The following COL6A5 variants were observed in gnomAD, a reference collection of about 807,000 sequenced individuals.
COL6A5 encodes collagen alpha-5(VI) chain.
In COL6A5, 48 loss-of-function variants were observed where a neutral mutation model predicts 65.6. The ratio of observed to expected loss-of-function variants is 0.73; its 90% CI spans 0.58 to 0.93. The LOEUF is 0.93. Among genes scored for constraint, COL6A5 ranks in the 40% least tolerant of loss-of-function variants. The pLI is 0.00. For synonymous variants in COL6A5, 291 were observed against 322.8 expected, an observed-to-expected ratio of 0.90 and a Z score of 1.05; for missense variants, 914 against 928.3, an observed-to-expected ratio of 0.98 and a Z score of 0.20.
At chr3:130,474,960 T>C (rs540279955) in intron 7 of COL6A5, among the ~76,000 whole-genome samples, 191 of 124,376 alleles carry the variant, frequency 1.5e-3, no homozygotes, top group South Asian at 5.0e-3. Flanking sequence ...TGAGCTATGA[T>C]CATGCTGCTG....
At chr3:130,451,218 A>G (rs1709423054) in intron 4 of COL6A5, among the ~76,000 whole-genome samples, 1 of 152,148 alleles carries the variant, frequency 6.6e-6, no homozygotes, top group Non-Finnish European at 1.5e-5. Flanking sequence ...CGTCTAATCC[A>G]CTTGTTTCTT....
At chr3:130,397,910 C>T (rs1198350957) in exon 9 of COL6A5, 1 of 1,550,546 alleles carries the variant, frequency 6.4e-7, no homozygotes, top group Admixed American at 2.0e-5. Flanking sequence ...GATAAATCTG[C>T]ATCCCGGGGC....
chr3:130,383,619 T>C (rs1936081371), intron 4 of COL6A5, among the ~76,000 whole-genome samples: 1 of 152,096 alleles, frequency 6.6e-6, no homozygotes, highest in African/African-American at 2.4e-5. Context: ...TTTCAGTATA[T>C]CTGATTTCCT....
At chr3:130,352,507 TAAA>T (rs1464681471) in intron 1 of COL6A5, among the ~76,000 whole-genome samples, 1 of 152,136 alleles carries the variant, frequency 6.6e-6, no homozygotes, top group Non-Finnish European at 1.5e-5. Flanking sequence ...GCAGTTTACA[TAAA>T]TAATTATATT....
intron 7 of COL6A5, among the ~76,000 whole-genome samples, chr3:130,475,589 C>A (rs1484445022): frequency 2.6e-5 from 4 of 152,066 alleles, no homozygotes; most frequent in African/African-American, 9.7e-5. Context: ...ATTAAGAGAA[C>A]TTCTCACCAG....
intron 17 of COL6A5, 22 bp downstream of exon 17, chr3:130,406,343 C>T: frequency 6.5e-7 from 1 of 1,529,458 alleles, no homozygotes; most frequent in Non-Finnish European, 8.9e-7. Flanking sequence ...CTTTTCAATA[C>T]TTCAAAGAAG....
At chr3:130,391,320 T>C (rs1378068958) in exon 7 of COL6A5, 3 of 1,551,668 alleles carry the variant, frequency 1.9e-6, no homozygotes, top group Non-Finnish European at 1.7e-6. Flanking sequence ...CGAGTTCAGT[T>C]TGGAGCCCTC....
chr3:130,400,452 A>C (rs74553528), intron 10 of COL6A5, among the ~76,000 whole-genome samples: 5,385 of 152,336 alleles, frequency 0.035, 106 homozygotes, highest in South Asian at 0.082. Flanking sequence ...TTTAGTGAAA[A>C]GATGAATAAA....
intron 7 of COL6A5, among the ~76,000 whole-genome samples, chr3:130,478,208 G>A (rs1416992213): frequency 6.6e-6 from 1 of 152,082 alleles, no homozygotes; most frequent in African/African-American, 2.4e-5. Flanking sequence ...TAGAGTAAAA[G>A]CTTCATAAAT....
intron 18 of COL6A5, among the ~76,000 whole-genome samples, 173 bp downstream of exon 18, chr3:130,409,561 G>C (rs1937108470): frequency 6.6e-6 from 1 of 152,168 alleles, no homozygotes; most frequent in Non-Finnish European, 1.5e-5. Context: ...ATCTGGGTTA[G>C]GCCCATCTTC....
chr3:130,396,064 G>C (rs9859068), intron 8 of COL6A5, among the ~76,000 whole-genome samples: 36,042 of 152,112 alleles, frequency 0.24, 5,647 homozygotes, highest in East Asian at 0.61. Context: ...TGAGTCAAGT[G>C]AGCAGAGTAT....
intron 7 of COL6A5, 32 bp downstream of exon 7, chr3:130,391,786 G>T (rs1210101041): frequency 1.4e-6 from 2 of 1,468,916 alleles, no homozygotes; most frequent in African/African-American, 2.8e-5. Context: ...TTCTATGGGG[G>T]TAGCAATAAA....
exon 28 of COL6A5, chr3:130,422,758 A>T: frequency 6.6e-7 from 1 of 1,526,196 alleles, no homozygotes; most frequent in South Asian, 1.2e-5. Context: ...GGGGACCTGG[A>T]CCCAAAGGAT....
intron 25 of COL6A5, among the ~76,000 whole-genome samples, chr3:130,420,144 A>AGAG (rs1937483838): frequency 6.6e-6 from 1 of 151,174 alleles, no homozygotes; most frequent in African/African-American, 2.4e-5. Context: ...AAAGGAAGAA[A>AGAG]GAAGGAAGGA....
chr3:130,402,815 C>T (rs1936859748), intron 12 of COL6A5, among the ~76,000 whole-genome samples: 1 of 152,080 alleles, frequency 6.6e-6, no homozygotes, highest in Non-Finnish European at 1.5e-5. Flanking sequence ...ATATTTTATA[C>T]ACTTTAATGC....
At chr3:130,397,827 G>A in exon 9 of COL6A5, 1 of 1,551,652 alleles carries the variant, frequency 6.4e-7, no homozygotes, top group Non-Finnish European at 8.7e-7. Context: ...TTGACAGCTT[G>A]CTGCAAGTCA....
intron 10 of COL6A5, among the ~76,000 whole-genome samples, chr3:130,399,639 G>A (rs949561617): frequency 1.3e-5 from 2 of 151,782 alleles, no homozygotes; most frequent in African/African-American, 4.8e-5. Flanking sequence ...CCAAAGTGCT[G>A]GGATTACAGG....
At chr3:130,466,219 A>G (rs1053187254) in intron 5 of COL6A5, among the ~76,000 whole-genome samples, 4 of 152,054 alleles carry the variant, frequency 2.6e-5, no homozygotes, top group African/African-American at 9.7e-5. Context: ...CATATTGTGG[A>G]CCATAAAACA....
chr3:130,448,187 TA>T (rs1350087412), intron 4 of COL6A5, among the ~76,000 whole-genome samples: 1 of 152,114 alleles, frequency 6.6e-6, no homozygotes, highest in Non-Finnish European at 1.5e-5. Context: ...ACCACTCCAC[TA>T]AATCATTATG....
Sources: allele counts gnomAD v4.1 joint callset (sites outside exome capture counted in the v4.1 genomes callset), GRCh38; gene constraint gnomAD v4.1.1; transcripts MANE v1.5; gene names NCBI Gene and HGNC (gene_info 2026-07-23, HGNC 2026-07-21).